The following SOS2 variants were observed in gnomAD, a reference collection of about 807,000 sequenced individuals.
The protein encoded by SOS2 is son of sevenless homolog 2.
Under a neutral mutation model 148.2 loss-of-function variants are expected in SOS2, and 65 were observed. That is an observed-to-expected ratio of 0.44 (90% CI 0.36 to 0.54). The LOEUF (loss-of-function observed/expected upper bound fraction) is 0.54. Among genes scored for constraint, SOS2 ranks in the 20% least tolerant of loss-of-function variants. The probability of loss-of-function intolerance (pLI) is 0.00; values close to 1 mark genes in which losing one functional copy is unlikely to be tolerated. For missense variants in SOS2, 1,341 were observed against 1,590.2 expected (o/e 0.84, Z 2.67); for synonymous variants, 539 against 537.1 (o/e 1.00, Z -0.05).
intron 8 of SOS2, among the ~76,000 whole-genome samples, chr14:50,173,545 C>T (rs572199175): frequency 1.3e-5 from 2 of 152,208 alleles, no homozygotes; most frequent in African/African-American, 2.4e-5. Context: ...CCTCAGCCTC[C>T]CAAGTAGCTG....
chr14:50,124,421 GTCTT>G (rs1883622835), intron 21 of SOS2, among the ~76,000 whole-genome samples: 1 of 152,162 alleles, frequency 6.6e-6, no homozygotes, highest in South Asian at 2.1e-4. Flanking sequence ...CAGAGGCGTT[GTCTT>G]TCTTGTTTGC....
In SOS2 at chr14:50,152,296, G is replaced by A. The variant is rs890683498; in HGVS notation, c.2161+774C>T. Among the ~76,000 whole-genome samples the A allele has an allele frequency of 3.3e-5, 5 of 151,962 alleles. No homozygotes were observed. In the East Asian group the frequency reaches 5.8e-4, roughly 18 times the overall value. ...TTCATGGCCTAGGGTTTCATTTCTT[G>A]GGCTATGATTCTGAAACTTAAAATA... On this transcript the variant is annotated intron_variant, in intron 13 of 22. Coordinates refer to ENST00000216373, the MANE Select transcript of SOS2 (RefSeq NM_006939.4).
intron 4 of SOS2, among the ~76,000 whole-genome samples, chr14:50,192,444 T>C (rs1886172271): frequency 6.6e-6 from 1 of 151,970 alleles, no homozygotes; most frequent in African/African-American, 2.4e-5. Flanking sequence ...TAATCCCAGC[T>C]ACTCAGGAGG....
rs549885624 is a variant in SOS2, at chr14:50,185,617, G to A, written c.714+2880C>T. ...TGAGGCAGGAGAATCGCTTGAACCC[G>A]GGAGGTAGAGGTTGCAGTGAGCCAG... is the stretch of plus-strand genomic sequence containing the variant. On this transcript the variant is annotated intron_variant, in intron 5 of 22. Coordinates refer to ENST00000216373, the MANE Select transcript of SOS2 (RefSeq NM_006939.4). Among the ~76,000 whole-genome samples, 4 of 151,542 alleles carry A rather than the reference G, an allele frequency of 2.6e-5. No individual in the cohort carries two copies. The East Asian group carries it at 5.8e-4, about 22-fold the overall frequency.
Position 50,199,872 on chromosome 14 carries a change from T to C in SOS2, c.346-17A>G. 6.7e-7 allele frequency: 1 copy of C among 1,503,572 alleles called. No homozygotes were observed. The highest frequency in any genetic ancestry group is 9.1e-7 in the Non-Finnish European group (1 of 1,104,966). The allele number at this position is 1,503,572 out of a possible 1,614,324, so 93.1% of individuals were successfully genotyped here. A position where few individuals can be genotyped will look rare whatever the true frequency, so the allele number is the denominator to read the frequency against. On this transcript the variant is annotated splice_polypyrimidine_tract_variant and intron_variant, in intron 3 of 22. Transcript: ENST00000216373. ...TAATACTTCCTGTGAAAAGAATAAA[T>C]AATTTAATTGCAAAATGTAGCACTG...
intron 1 of SOS2, among the ~76,000 whole-genome samples, chr14:50,225,213 C>T (rs1887332293): frequency 6.6e-6 from 1 of 152,112 alleles, no homozygotes; most frequent in African/African-American, 2.4e-5. Flanking sequence ...TCTCAGCCTC[C>T]CAAAGTACTA....
At chr14:50,143,538 A>G (rs2139570171) in intron 16 of SOS2, among the ~76,000 whole-genome samples, 1 of 152,134 alleles carries the variant, frequency 6.6e-6, no homozygotes, top group Non-Finnish European at 1.5e-5. Context: ...GGCAGGTTCA[A>G]GCGATACCCC....
intron 14 of SOS2, among the ~76,000 whole-genome samples, chr14:50,149,776 T>C (rs1356169115): frequency 2.0e-5 from 3 of 152,116 alleles, no homozygotes. Flanking sequence ...GTGGTGGACT[T>C]GAAAATCTTC....
chr14:50,154,112 A>G (rs1275705882), intron 12 of SOS2, among the ~76,000 whole-genome samples: 2 of 152,194 alleles, frequency 1.3e-5, no homozygotes, highest in African/African-American at 2.4e-5. Context: ...TGGAAGAGGA[A>G]GAAGGGAAAA....
chr14:50,142,340 T>C (rs1594967714), intron 16 of SOS2, among the ~76,000 whole-genome samples: 1 of 152,288 alleles, frequency 6.6e-6, no homozygotes. Context: ...TATTAATATC[T>C]TTAACATATA....
chr14:50,174,666 C>T (rs1227329172), intron 7 of SOS2, 114 bp from the exon 8 acceptor site: 2 of 486,630 alleles, frequency 4.1e-6, no homozygotes, highest in Non-Finnish European at 3.7e-6. Context: ...ATCAAAACTA[C>T]AACAGAATGC....
At chr14:50,174,627 C>T (rs555816849) in intron 7 of SOS2, 75 bp from the exon 8 acceptor site, 68 of 777,472 alleles carry the variant, frequency 8.7e-5, no homozygotes, top group South Asian at 1.5e-4. Context: ...CTAACAGAAA[C>T]GTCTACTAAA....
At chr14:50,144,949 T>C (rs1298798947) in intron 16 of SOS2, among the ~76,000 whole-genome samples, 1 of 152,230 alleles carries the variant, frequency 6.6e-6, no homozygotes, top group South Asian at 2.1e-4. Flanking sequence ...TTATTGAATA[T>C]TGATATATTT....
intron 17 of SOS2, 123 bp downstream of exon 17, chr14:50,139,819 T>C (rs1884210895): frequency 7.5e-6 from 4 of 530,384 alleles, no homozygotes; most frequent in Non-Finnish European, 1.4e-5. Context: ...TATTTATTAA[T>C]ACAGAGAGCT....
At chr14:50,130,151 C>G (rs1040097797) in intron 20 of SOS2, 149 bp from the exon 21 acceptor site, 13 of 587,212 alleles carry the variant, frequency 2.2e-5, no homozygotes, top group Non-Finnish European at 3.9e-5. Context: ...AACTCAGAAC[C>G]TTCTGTATCT....
Position 50,134,032 on chromosome 14 carries a change from C to T in SOS2, c.3075+91G>A, listed in dbSNP as rs957790014. 16 of 759,624 alleles carry T rather than the reference C, an allele frequency of 2.1e-5. No homozygotes were observed. In the African/African-American group the frequency reaches 2.5e-4, roughly 12 times the overall value. The allele number at this position is 759,624 out of a possible 1,614,324, so 47.1% of individuals were successfully genotyped here. On this transcript the variant is annotated intron_variant, in intron 19 of 22. Coordinates refer to ENST00000216373, the MANE Select transcript of SOS2 (RefSeq NM_006939.4). The stretch of plus-strand genomic sequence containing the variant: ...AACAAAACACCTAGGAACAGCCATT[C>T]AATTACATTTTTAAGATAACAGGTT...
intron 8 of SOS2, among the ~76,000 whole-genome samples, chr14:50,162,745 T>C (rs922288947): frequency 1.3e-5 from 2 of 152,196 alleles, no homozygotes; most frequent in Non-Finnish European, 2.9e-5. Flanking sequence ...TCTCAATCTT[T>C]AGAAGATTTA....
intron 8 of SOS2, among the ~76,000 whole-genome samples, chr14:50,169,639 C>CA (rs1885294269): frequency 2.0e-5 from 3 of 151,588 alleles, no homozygotes; most frequent in African/African-American, 7.3e-5. Flanking sequence ...GACCGTGCCT[C>CA]AAAAAACAAA....
chr14:50,136,960 G>A (rs1255955741), intron 18 of SOS2, among the ~76,000 whole-genome samples: 4 of 152,034 alleles, frequency 2.6e-5, no homozygotes, highest in African/African-American at 7.2e-5. Flanking sequence ...GTTTTGAACC[G>A]GGAACAAAGA....
Sources: gnomAD v4.1 joint callset for allele counts (sites outside exome capture counted in the v4.1 genomes callset) on GRCh38, gnomAD v4.1.1 for gene constraint, MANE v1.5 for transcripts, NCBI Gene and HGNC (gene_info 2026-07-23, HGNC 2026-07-21) for gene names.